Variants in GLRA2 observed in about 807,000 individuals in gnomAD.
GLRA2 encodes the protein glycine receptor subunit alpha-2.
In GLRA2, 11 loss-of-function variants were observed where a neutral mutation model predicts 31.6. That is an observed-to-expected ratio of 0.35 (90% confidence interval 0.22 to 0.58). The LOEUF (loss-of-function observed/expected upper bound fraction) is 0.58, where lower values mean the gene tolerates loss of function less well. Ranked by LOEUF, GLRA2 falls within the 20% of genes least tolerant of loss-of-function variation. The probability of loss-of-function intolerance (pLI) is 0.84; values close to 1 mark genes in which losing one functional copy is unlikely to be tolerated. For synonymous variants in GLRA2, 132 were observed against 134.0 expected, an observed-to-expected ratio of 0.99 and a Z score of 0.10; for missense variants, 212 against 351.8, an observed-to-expected ratio of 0.60 and a Z score of 3.18.
At chrX:14,649,976 CAAA>C (rs1207835788) in intron 7 of GLRA2, among the ~76,000 whole-genome samples, 2 of 111,931 alleles carry the variant, frequency 1.8e-5, no homozygotes, top group East Asian at 5.6e-4. Flanking sequence ...ATTCATATGA[CAAA>C]TAATATTCAA....
At chrX:14,586,074 A>G (rs1399722824) in intron 4 of GLRA2, among the ~76,000 whole-genome samples, 4 of 111,809 alleles carry the variant, frequency 3.6e-5, no homozygotes, top group Non-Finnish European at 7.5e-5. Flanking sequence ...AAACAAAACA[A>G]ATATAGAAAT....
At chrX:14,655,485 A>C in intron 7 of GLRA2, among the ~76,000 whole-genome samples, 1 of 111,382 alleles carries the variant, frequency 9.0e-6, no homozygotes, top group Middle Eastern at 4.6e-3. Context: ...TAGACTTGGA[A>C]AGGTTATGGC....
At chrX:14,597,191 C>T (rs899650636) in intron 4 of GLRA2, among the ~76,000 whole-genome samples, 2 of 111,495 alleles carry the variant, frequency 1.8e-5, no homozygotes, top group African/African-American at 6.5e-5. Flanking sequence ...AAAGATTCAA[C>T]GGATCAACAT....
At chrX:14,596,490 G>T (rs1301276434) in intron 4 of GLRA2, among the ~76,000 whole-genome samples, 3 of 109,836 alleles carry the variant, frequency 2.7e-5, no homozygotes, top group African/African-American at 1.0e-4. Flanking sequence ...ATTACCCCTA[G>T]TCCAATCACT....
intron 8 of GLRA2, among the ~76,000 whole-genome samples, chrX:14,695,698 T>G (rs2091435396): frequency 8.9e-6 from 1 of 112,065 alleles, no homozygotes; most frequent in Non-Finnish European, 1.9e-5. Flanking sequence ...ATGACTATGG[T>G]TGCTAGCCAA....
Position 14,698,681 on chromosome X carries a change from C to CAAA in GLRA2, c.1080+7848_1080+7850dup, listed in dbSNP as rs749925474. ...CGACAGAGTGAGACTCTATCTATCT[C>CAAA]AAAAAAAAAAAAAAAAAAAAAAAAA... On this transcript the variant is annotated intron_variant, in intron 8 of 8. Transcript: ENST00000218075. Among the ~76,000 whole-genome samples the CAAA allele has an allele frequency of 7.6e-4, 16 of 21,136 alleles. 1 individual carries two copies. The highest frequency in any genetic ancestry group is 2.8e-3 in the African/African-American group (15 of 5,448). The allele number at this position is 21,136 out of a possible 115,157, so 18.4% of individuals were successfully genotyped here.
intron 7 of GLRA2, among the ~76,000 whole-genome samples, chrX:14,679,100 A>ACACCACCACCAC (rs748032911): frequency 1.8e-5 from 2 of 109,822 alleles, no homozygotes; most frequent in African/African-American, 3.3e-5. Context: ...CTCAACATAC[A>ACACCACCACCAC]CACCACCACC....
chrX:14,565,034 T>C (rs1312004607), intron 2 of GLRA2, among the ~76,000 whole-genome samples: 1 of 106,418 alleles, frequency 9.4e-6, no homozygotes, highest in East Asian at 3.0e-4. Context: ...CAACTAAACA[T>C]AAAAGAGGTC....
intron 7 of GLRA2, among the ~76,000 whole-genome samples, chrX:14,652,640 G>C (rs986079359): frequency 9.1e-6 from 1 of 110,361 alleles, no homozygotes; most frequent in African/African-American, 3.3e-5. Context: ...AATTTTTTGG[G>C]GGTACCAGGA....
chrX:14,562,313 G>A (rs778067164), intron 2 of GLRA2, among the ~76,000 whole-genome samples: 225 of 112,279 alleles, frequency 2.0e-3, no homozygotes, highest in African/African-American at 6.9e-3. Context: ...GGAAAGTTTT[G>A]TGGTATTCCC....
At chrX:14,470,413 T>C in the GLRA2 span, among the ~76,000 whole-genome samples, 1 of 111,893 alleles carries the variant, frequency 8.9e-6, no homozygotes, top group Non-Finnish European at 1.9e-5. Context: ...GATCCAAGCA[T>C]AATTTATGAT....
At chrX:14,727,522 C>T in intron 8 of GLRA2, among the ~76,000 whole-genome samples, 1 of 112,136 alleles carries the variant, frequency 8.9e-6, no homozygotes, top group Middle Eastern at 4.6e-3. Flanking sequence ...AACAAGTCCC[C>T]TCCTCCTAAT....
the GLRA2 span, among the ~76,000 whole-genome samples, chrX:14,510,304 A>G: frequency 1.8e-5 from 2 of 111,858 alleles, no homozygotes; most frequent in Non-Finnish European, 3.8e-5. Flanking sequence ...CAAAGCCACC[A>G]CCAAATTTCT....
intron 7 of GLRA2, among the ~76,000 whole-genome samples, chrX:14,672,042 A>C (rs781620586): frequency 8.9e-6 from 1 of 112,175 alleles, no homozygotes; most frequent in Admixed American, 9.5e-5. Context: ...GAATCTTAGA[A>C]TAGCAGAACC....
chrX:14,507,549 G>A, the GLRA2 span, among the ~76,000 whole-genome samples: 3 of 110,608 alleles, frequency 2.7e-5, no homozygotes, highest in South Asian at 1.2e-3. Context: ...TCAGCCCTTA[G>A]AAACTTTTAG....
chrX:14,716,609 A>G (rs2091790011), intron 8 of GLRA2, among the ~76,000 whole-genome samples: 1 of 111,118 alleles, frequency 9.0e-6, no homozygotes, highest in African/African-American at 3.3e-5. Context: ...TACAAACACA[A>G]TTATTGAGTA....
chrX:14,641,164 T>C (rs1477809855), intron 7 of GLRA2, among the ~76,000 whole-genome samples: 1 of 111,782 alleles, frequency 8.9e-6, no homozygotes. Flanking sequence ...CAGTAGCCAT[T>C]TAGTTGTCTT....
chrX:14,474,743 A>ATGG, the GLRA2 span, among the ~76,000 whole-genome samples: 1 of 101,053 alleles, frequency 9.9e-6, no homozygotes, highest in East Asian at 3.1e-4. Flanking sequence ...GGCTGGGATG[A>ATGG]CTGGGGCCTC....
upstream of GLRA2, among the ~76,000 whole-genome samples, chrX:14,527,621 A>G (rs2089195221): frequency 9.0e-6 from 1 of 110,587 alleles, no homozygotes; most frequent in African/African-American, 3.3e-5. Context: ...CTCGGGAAAA[A>G]AAAAAAAAGA....
Sources: allele counts gnomAD v4.1 joint callset (sites outside exome capture counted in the v4.1 genomes callset), GRCh38; gene constraint gnomAD v4.1.1; transcripts MANE v1.5; gene names NCBI Gene and HGNC (gene_info 2026-07-23, HGNC 2026-07-21).